POLG: variants seen among roughly 807,000 people sequenced by gnomAD.
POLG encodes the protein DNA polymerase subunit gamma-1.
A neutral mutation model predicts 155.4 loss-of-function variants in POLG; 110 were observed. The observed-to-expected ratio is 0.71, with a 90% CI of 0.61 to 0.83. The LOEUF (loss-of-function observed/expected upper bound fraction) is 0.83. Among genes scored for constraint, POLG ranks in the 40% least tolerant of loss-of-function variants. POLG has a pLI of 0.00. For missense variants in POLG, 1,685 were observed against 1,627.5 expected, an observed-to-expected ratio of 1.04 and a Z score of -0.61; for synonymous variants, 701 against 631.5, an observed-to-expected ratio of 1.11 and a Z score of -1.65.
In POLG at chr15:89,330,534, C is replaced by A. The variant is rs74031923; in HGVS notation, c.660-258G>T. Among the ~76,000 whole-genome samples, 657 of 152,294 alleles carry A rather than the reference C, an allele frequency of 4.3e-3. 9 individuals are homozygous for A. The highest frequency in any genetic ancestry group is 0.015 in the African/African-American group (628 of 41,554). ...TGGAACTACTGGGCTATTAGACCTA[C>A]GTGCAGGTATTCTATTACAGCCTGG... is the stretch of plus-strand genomic sequence containing the variant. On this transcript the variant is annotated intron_variant, in intron 2 of 22. Coordinates refer to ENST00000268124, the MANE Select transcript of POLG (RefSeq NM_002693.3).
Position 89,325,651 on chromosome 15 carries a change from G to A in POLG, c.1748C>T (p.Pro583Leu). 6.2e-7 allele frequency: 1 copy of A among 1,611,554 alleles called. No individual in the cohort carries two copies. Among genetic ancestry groups the A allele is most frequent in the Non-Finnish European group, 8.5e-7 (1 of 1,180,002 alleles). Residue 583 changes from proline (P) to leucine (L), a missense_variant, in exon 10 of 23, where the codon CCT (proline) becomes CTT (leucine). By Grantham distance (98) the Pro-to-Leu change is moderately conservative (BLOSUM62 -3). Coordinates refer to ENST00000268124, the MANE Select transcript of POLG (RefSeq NM_002693.3). ...YRKLCPRLDD[P>L]AWTPGPSLLS... ...GAGGCTGGGGCCCGGGGTCCATGCA[G>A]GGTCGTCTAGCCGGGGGCAGAGCTT...
In POLG at chr15:89,318,987, G is replaced by T; in HGVS notation, c.3217C>A (p.Pro1073Thr). 6.2e-7 allele frequency: 1 copy of T among 1,614,090 alleles called. No homozygotes were observed. Among genetic ancestry groups the T allele is most frequent in the South Asian group, 1.1e-5 (1 of 91,078 alleles). ...CGGCTGATGCAGCAGCCCAGCACCG[G>T]GGTACGTGGTATGTCAGACGTAGCA... is the stretch of plus-strand genomic sequence containing the variant. ...SIATSDIPRT[P>T]VLGCCISRAL... The change falls in exon 20 of 23, where the codon CCG becomes ACG. Residue 1073 changes from proline (P) to threonine (T), a missense_variant. Pro to Thr is a conservative substitution (Grantham distance 38, BLOSUM62 -1). Coordinates refer to ENST00000268124, the MANE Select transcript of POLG (RefSeq NM_002693.3).
At chr15:89,324,971 A>G (rs1349761172) in intron 10 of POLG, among the ~76,000 whole-genome samples, 1 of 151,806 alleles carries the variant, frequency 6.6e-6, no homozygotes, top group Non-Finnish European at 1.5e-5. Flanking sequence ...ATCTCAACAT[A>G]CTCCCTCCCA....
At chr15:89,326,589 T>C (rs772225404) in intron 9 of POLG, 23 bp downstream of exon 9, 1 of 1,612,328 alleles carries the variant, frequency 6.2e-7, no homozygotes, top group Non-Finnish European at 8.5e-7. Context: ...CTAGATACAC[T>C]GCTGGGGGTG....
intron 9 of POLG, 139 bp from the exon 10 acceptor site, chr15:89,325,825 C>CAGAGGAGGGGATGG: frequency 2.7e-6 from 2 of 753,078 alleles, no homozygotes; most frequent in Non-Finnish European, 4.7e-6. Flanking sequence ...GCCGCCATCC[C>CAGAGGAGGGGATGG]CTCCTCTGGG....
At position 89,318,988 on chromosome 15, in the gene POLG, G is replaced by T. The variant is rs146936870; in HGVS notation, c.3216C>A (p.Thr1072=). ...ESIATSDIPR[T]PVLGCCISRA... is the part of the protein sequence containing the mutation. ...GGCTGATGCAGCAGCCCAGCACCGGGGTACGTGGTATGTCAGACGTAGCAA... is the reference window on the plus strand; with the variant it reads ...GGCTGATGCAGCAGCCCAGCACCGGTGTACGTGGTATGTCAGACGTAGCAA... The change falls in exon 20 of 23, where the codon ACC becomes ACA. Residue 1072 remains threonine (T), a synonymous_variant. Coordinates refer to ENST00000268124, the MANE Select transcript of POLG (RefSeq NM_002693.3). 6.2e-7 allele frequency: 1 copy of T among 1,614,010 alleles called. No homozygotes were observed. The highest frequency in any genetic ancestry group is 8.5e-7 in the Non-Finnish European group (1 of 1,180,036).
chr15:89,326,825 A>G (rs781128123), intron 8 of POLG, 87 bp from the exon 9 acceptor site: 14 of 1,610,926 alleles, frequency 8.7e-6, no homozygotes, highest in Non-Finnish European at 1.2e-5. Flanking sequence ...AGAAGGCTGG[A>G]GCAATCCTTT....
chr15:89,326,845 C>G (rs1041587690), intron 8 of POLG, 67 bp downstream of exon 8: 2 of 1,607,980 alleles, frequency 1.2e-6, no homozygotes, highest in African/African-American at 2.7e-5. Flanking sequence ...TCGAAGGACC[C>G]CCTCAATCAC....
chr15:89,333,596 TTGCTGCTGCTGCTGCTGCTGC>T lies in POLG; in HGVS notation c.138_158del (p.Gln49_Gln55del), dbSNP rs41550117. ...GCACTTGCGGCTGCTGAGGCTGCTG[TTGCTGCTGCTGCTGCTGCTGC>T]TGCTGCTGCTGCCGCCGCCGCTGCC... On this transcript the variant is annotated inframe_deletion, in exon 2 of 23. Coordinates refer to ENST00000268124, the MANE Select transcript of POLG (RefSeq NM_002693.3). The T allele has an allele frequency of 4.8e-5, 76 of 1,598,000 alleles. No individual in the cohort carries two copies. The highest frequency in any genetic ancestry group is 1.2e-4 in the Admixed American group (7 of 59,142).
Position 89,328,984 on chromosome 15 carries a change from G to C in POLG, c.982C>G (p.Gln328Glu), listed in dbSNP as rs1266291818. 1 of 1,613,812 alleles carries C rather than the reference G, an allele frequency of 6.2e-7. No homozygotes were observed. The highest frequency in any genetic ancestry group is 8.5e-7 in the Non-Finnish European group (1 of 1,180,040). The change falls in exon 4 of 23, where the codon CAA becomes GAA. Residue 328 changes from glutamine to glutamate, a missense_variant. Physicochemically the swap from Gln to Glu is conservative, Grantham distance 29. Around this residue, in one of 3 missense-constraint regions of POLG, gnomAD observed 1,210 missense variants for 1,167.1 expected, o/e 1.04. Transcript: ENST00000268124. ...GCTTTCCTCTGGGACTTCTGGCCTTGCTTTGTGGGGGGCTGGACCTTGTGT... is the reference window on the plus strand; with the variant it reads ...GCTTTCCTCTGGGACTTCTGGCCTTCCTTTGTGGGGGGCTGGACCTTGTGT... ...GKHKVQPPTK[Q>E]GQKSQRKARR...
At chr15:89,320,058 T>G (rs2055372090) in intron 18 of POLG, among the ~76,000 whole-genome samples, 2 of 152,220 alleles carry the variant, frequency 1.3e-5, no homozygotes, top group South Asian at 4.1e-4. Context: ...CGACCTCACT[T>G]TATCCACTGG....
In POLG at chr15:89,316,477, A is replaced by G. The variant is rs1169280994; in HGVS notation, c.*274T>C. 8 of 1,602,360 alleles carry G rather than the reference A, an allele frequency of 5.0e-6. No individual in the cohort carries two copies. Among genetic ancestry groups the G allele is most frequent in the Non-Finnish European group, 6.8e-6 (8 of 1,173,626 alleles). On this transcript the variant is annotated 3_prime_UTR_variant, in exon 23 of 23. Transcript: ENST00000268124. ...AAAAATAAATGAAATGCCTGAGTTA[A>G]TGTGAACTTTGGGGCTTCTGCTTCA... is the stretch of plus-strand genomic sequence containing the variant.
Position 89,324,242 on chromosome 15 carries a change from G to C in POLG, c.1950-15C>G. On this transcript the variant is annotated splice_polypyrimidine_tract_variant and intron_variant, in intron 10 of 22. Transcript: ENST00000268124. ...ACTCGATGGCTCTGGGCAGAGAACAGTAGCAGCAGCAGCCGCTGATTACCA... is the reference window on the plus strand; with the variant it reads ...ACTCGATGGCTCTGGGCAGAGAACACTAGCAGCAGCAGCCGCTGATTACCA... 1 of 1,610,626 alleles carries C rather than the reference G, an allele frequency of 6.2e-7. No homozygotes were observed. The highest frequency in any genetic ancestry group is 8.5e-7 in the Non-Finnish European group (1 of 1,179,950).
chr15:89,318,403 A>T, intron 21 of POLG, 138 bp downstream of exon 21: 1 of 681,710 alleles, frequency 1.5e-6, no homozygotes. Flanking sequence ...TTTAAAAATT[A>T]GAAATAAATA....
chr15:89,329,927 G>A (rs779883721), intron 3 of POLG, among the ~76,000 whole-genome samples, 154 bp downstream of exon 3: 3 of 152,172 alleles, frequency 2.0e-5, no homozygotes, highest in Admixed American at 1.3e-4. Flanking sequence ...TAGGCACAGA[G>A]ACCAGAGGCA....
chr15:89,327,436 C>G, intron 6 of POLG, 87 bp from the exon 7 acceptor site: 1 of 1,227,246 alleles, frequency 8.1e-7, no homozygotes, highest in Admixed American at 1.8e-5. Flanking sequence ...AAGCCTCAAC[C>G]CAGCCACTGA....
In POLG at chr15:89,333,497, T is replaced by G. The variant is rs746364617; in HGVS notation, c.258A>C (p.Gln86His). The G allele has an allele frequency of 1.9e-6, 3 of 1,612,786 alleles. No homozygotes were observed. Among genetic ancestry groups the G allele is most frequent in the South Asian group, 1.1e-5 (1 of 91,088 alleles). ...IQMLSRGLHE[Q>H]IFGQGGEMPG... ...GCATCTCCCCTCCTTGCCCGAAGAT[T>G]TGCTCGTGCAGCCCTCTCGAGAGCA... The change falls in exon 2 of 23, where the codon CAA becomes CAC. Residue 86 changes from glutamine to histidine, a missense_variant. Around this residue, in one of 3 missense-constraint regions of POLG, gnomAD observed 1,210 missense variants for 1,167.1 expected, o/e 1.04. Transcript: ENST00000268124.
chr15:89,333,723 C>G lies in POLG; in HGVS notation c.32G>C (p.Gly11Ala), dbSNP rs765472726. 1 of 1,536,106 alleles carries G rather than the reference C, an allele frequency of 6.5e-7. No individual in the cohort carries two copies. The highest frequency in any genetic ancestry group is 1.4e-5 in the African/African-American group (1 of 73,064). The change falls in exon 2 of 23, where the codon GGC becomes GCC. Residue 11 changes from glycine to alanine, a missense_variant. Gly to Ala is a moderately conservative substitution (Grantham distance 60). Around this residue, in one of 3 missense-constraint regions of POLG, gnomAD observed 1,210 missense variants for 1,167.1 expected, o/e 1.04. Transcript: ENST00000268124. ...AACCGGCCCTGGCCCGACGGTGGCGCCGGCCACCTTCCTCCAGAGCAGGCG... is the reference window on the plus strand; with the variant it reads ...AACCGGCCCTGGCCCGACGGTGGCGGCGGCCACCTTCCTCCAGAGCAGGCG... MSRLLWRKVA[G>A]ATVGPGPVPA...
rs2055260232 is a variant in POLG, at chr15:89,316,365, CA to C, written c.*385del. On this transcript the variant is annotated 3_prime_UTR_variant, in exon 23 of 23. Transcript: ENST00000268124. ...TTCCACTGCCTTGGAGCAGGTTTAT[CA>C]CGTTAGAGCATTAATTCTTTCCCCT... The C allele has an allele frequency of 6.3e-7, 1 of 1,594,462 alleles. No individual in the cohort carries two copies. The highest frequency in any genetic ancestry group is 1.7e-4 in the Middle Eastern group (1 of 6,040).
Sources: allele counts gnomAD v4.1 joint callset (sites outside exome capture counted in the v4.1 genomes callset), GRCh38; gene constraint gnomAD v4.1.1; regional missense constraint gnomAD v4.1.1; transcripts MANE v1.5; gene names NCBI Gene and HGNC (gene_info 2026-07-23, HGNC 2026-07-21).